EXOC6B: variants seen among roughly 807,000 people sequenced by gnomAD.
EXOC6B encodes the protein SEC15 homolog B.
A neutral mutation model predicts 113.5 loss-of-function variants in EXOC6B; 54 were observed. The observed-to-expected ratio is 0.48, with a 90% CI of 0.38 to 0.60. EXOC6B has a LOEUF of 0.60. Among genes scored for constraint, EXOC6B ranks in the 20% least tolerant of loss-of-function variants. The pLI, the probability that EXOC6B is intolerant of heterozygous loss-of-function variation, is 0.00. For missense variants in EXOC6B, 797 were observed against 977.5 expected, an observed-to-expected ratio of 0.82 and a Z score of 2.46; for synonymous variants, 357 against 339.0, an observed-to-expected ratio of 1.05 and a Z score of -0.58.
chr2:72,390,947 AG>A (rs1692337064), intron 18 of EXOC6B, among the ~76,000 whole-genome samples: 1 of 152,224 alleles, frequency 6.6e-6, no homozygotes, highest in Non-Finnish European at 1.5e-5. Context: ...TCTCAATGCA[AG>A]GTTATTCTTC....
chr2:72,595,275 A>C (rs1670001841), intron 6 of EXOC6B, among the ~76,000 whole-genome samples: 1 of 146,856 alleles, frequency 6.8e-6, no homozygotes, highest in Admixed American at 6.8e-5. Flanking sequence ...ATATATATAT[A>C]GATATATAGA....
In EXOC6B at chr2:72,432,001, T is replaced by C. The variant is rs7578297; in HGVS notation, c.1980+33159A>G. Among the ~76,000 whole-genome samples the C allele has an allele frequency of 1.5e-3, 222 of 152,316 alleles. 1 individual carries two copies. The highest frequency in any genetic ancestry group is 5.2e-3 in the African/African-American group (217 of 41,570). On this transcript the variant is annotated intron_variant, in intron 18 of 21. Transcript: ENST00000272427. ...CATCCCTTTTTATAGCTGCATAGTA[T>C]TACATGGTGTATATGTGCCACATTT...
At chr2:72,502,269 TG>T (rs1700365180) in intron 11 of EXOC6B, among the ~76,000 whole-genome samples, 1 of 152,156 alleles carries the variant, frequency 6.6e-6, no homozygotes, top group African/African-American at 2.4e-5. Context: ...GTAAAGAGGC[TG>T]GGCGTGGTGG....
At chr2:72,436,884 T>C (rs1695909863) in intron 18 of EXOC6B, among the ~76,000 whole-genome samples, 2 of 152,132 alleles carry the variant, frequency 1.3e-5, no homozygotes, top group Admixed American at 1.3e-4. Context: ...ATTACCCATC[T>C]TCTGAAGCCT....
intron 3 of EXOC6B, among the ~76,000 whole-genome samples, chr2:72,732,849 T>A (rs1558957944): frequency 6.6e-6 from 1 of 152,142 alleles, no homozygotes; most frequent in Non-Finnish European, 1.5e-5. Context: ...TTATGACAAG[T>A]CGATGATTTA....
At chr2:72,325,944 C>G (rs922148510) in intron 20 of EXOC6B, among the ~76,000 whole-genome samples, 1 of 152,054 alleles carries the variant, frequency 6.6e-6, no homozygotes, top group Non-Finnish European at 1.5e-5. Context: ...GTAGTTAATT[C>G]TTTTATAGCT....
intron 19 of EXOC6B, among the ~76,000 whole-genome samples, chr2:72,363,308 A>G (rs1690432115): frequency 6.6e-6 from 1 of 152,066 alleles, no homozygotes; most frequent in African/African-American, 2.4e-5. Context: ...TACTCCTGTT[A>G]TATAATGGCA....
At chr2:72,706,021 T>C (rs1678847926) in intron 6 of EXOC6B, among the ~76,000 whole-genome samples, 1 of 152,216 alleles carries the variant, frequency 6.6e-6, no homozygotes, top group African/African-American at 2.4e-5. Context: ...TTCATTGGGA[T>C]AGAAGAATAA....
At chr2:72,406,943 T>C (rs1240686826) in intron 18 of EXOC6B, among the ~76,000 whole-genome samples, 2 of 151,772 alleles carry the variant, frequency 1.3e-5, no homozygotes, top group African/African-American at 4.8e-5. Flanking sequence ...ATCAACAAAA[T>C]TGATAGACTA....
chr2:72,273,225 T>C (rs192091781), intron 20 of EXOC6B, among the ~76,000 whole-genome samples: 1 of 152,344 alleles, frequency 6.6e-6, no homozygotes, highest in Admixed American at 6.5e-5. Context: ...TAAAATACTT[T>C]AATTTCTAAG....
intron 6 of EXOC6B, among the ~76,000 whole-genome samples, chr2:72,657,623 G>T (rs181673082): frequency 4.9e-4 from 56 of 113,806 alleles, no homozygotes; most frequent in Non-Finnish European, 4.7e-4. Flanking sequence ...TCTCCTGGCT[G>T]GAATATGGGT....
intron 6 of EXOC6B, among the ~76,000 whole-genome samples, chr2:72,705,528 C>G (rs1678792602): frequency 6.6e-6 from 1 of 152,162 alleles, no homozygotes; most frequent in South Asian, 2.1e-4. Flanking sequence ...GATCCATTAT[C>G]ACTGTTCTGT....
chr2:72,661,869 T>C (rs1675040861), intron 6 of EXOC6B, among the ~76,000 whole-genome samples: 1 of 152,036 alleles, frequency 6.6e-6, no homozygotes, highest in Non-Finnish European at 1.5e-5. Flanking sequence ...GTGATACTAA[T>C]CGACATCAGT....
chr2:72,648,593 T>G (rs767672356), intron 6 of EXOC6B, among the ~76,000 whole-genome samples: 3 of 152,222 alleles, frequency 2.0e-5, no homozygotes, highest in Non-Finnish European at 4.4e-5. Flanking sequence ...CAGAATACTA[T>G]GCACTCCCAT....
chr2:72,511,665 C>T (rs573096869), intron 11 of EXOC6B, among the ~76,000 whole-genome samples: 38 of 152,206 alleles, frequency 2.5e-4, no homozygotes, highest in Admixed American at 8.5e-4. Context: ...CACATCTATA[C>T]GTAACACATT....
At chr2:72,699,201 C>A (rs551896363) in intron 6 of EXOC6B, among the ~76,000 whole-genome samples, 1 of 152,128 alleles carries the variant, frequency 6.6e-6, no homozygotes, top group Non-Finnish European at 1.5e-5. Context: ...CAAACATGGC[C>A]GGGCGCGGTG....
At chr2:72,516,003 T>A (rs915106731) in intron 8 of EXOC6B, among the ~76,000 whole-genome samples, 3 of 152,004 alleles carry the variant, frequency 2.0e-5, no homozygotes, top group African/African-American at 7.2e-5. Context: ...ACATCAGAGA[T>A]TGTTGATCAC....
intron 20 of EXOC6B, among the ~76,000 whole-genome samples, chr2:72,247,922 T>A (rs947190824): frequency 7.9e-5 from 12 of 152,194 alleles, no homozygotes; most frequent in Non-Finnish European, 1.6e-4. Context: ...GAGTCATCTA[T>A]TTTTTATGGT....
chr2:72,629,832 A>G (rs1158663605), intron 6 of EXOC6B, among the ~76,000 whole-genome samples: 1 of 151,964 alleles, frequency 6.6e-6, no homozygotes, highest in Non-Finnish European at 1.5e-5. Context: ...GGCTTTGTAA[A>G]CTCTGTCTTC....
Sources: gnomAD v4.1 joint callset for allele counts (sites outside exome capture counted in the v4.1 genomes callset) on GRCh38, gnomAD v4.1.1 for gene constraint, MANE v1.5 for transcripts, NCBI Gene and HGNC (gene_info 2026-07-23, HGNC 2026-07-21) for gene names.